The following LBP variants were observed in gnomAD, a reference collection of about 807,000 sequenced individuals.
The protein encoded by LBP is lipopolysaccharide-binding protein.
A neutral mutation model predicts 56.6 loss-of-function variants in LBP; 53 were observed. That is an observed-to-expected ratio of 0.94 (90% CI 0.75 to 1.18). The LOEUF is 1.18. LBP is among the 50% of genes most tolerant of loss of function. The pLI is 0.00. For synonymous variants in LBP, 227 were observed against 247.5 expected (o/e 0.92, Z 0.78); for missense variants, 601 against 598.3 (o/e 1.00, Z -0.05).
chr20:38,365,234 CAAAAAAA>C (rs10627735), intron 8 of LBP, among the ~76,000 whole-genome samples: 2 of 96,682 alleles, frequency 2.1e-5, no homozygotes, highest in African/African-American at 8.1e-5. Context: ...GACCCTGTCT[CAAAAAAA>C]AAAAAAAAAA....
intron 6 of LBP, among the ~76,000 whole-genome samples, chr20:38,362,242 A>G (rs2076863257): frequency 6.7e-6 from 1 of 148,678 alleles, no homozygotes; most frequent in Admixed American, 6.7e-5. Flanking sequence ...TTGTATTTTT[A>G]GTAGAGACGG....
At chr20:38,368,923 A>G in intron 9 of LBP, 72 bp from the exon 10 acceptor site, 12 of 1,425,210 alleles carry the variant, frequency 8.4e-6, no homozygotes, top group Non-Finnish European at 1.2e-5. Flanking sequence ...GCTTTATCTG[A>G]CTCCCTCAGG....
chr20:38,363,372 T>C (rs2076868574), intron 6 of LBP, among the ~76,000 whole-genome samples: 1 of 152,262 alleles, frequency 6.6e-6, no homozygotes, highest in Admixed American at 6.5e-5. Flanking sequence ...GGTGCTTTGC[T>C]GTCCCTTGCT....
chr20:38,371,422 A>G (rs2076900444), intron 12 of LBP, 100 bp downstream of exon 12: 3 of 930,716 alleles, frequency 3.2e-6, no homozygotes, highest in African/African-American at 3.3e-5. Flanking sequence ...ACAAAAGGAG[A>G]AGAGTTGATT....
intron 14 of LBP, 48 bp downstream of exon 14, chr20:38,374,061 T>C: frequency 1.3e-6 from 2 of 1,571,672 alleles, no homozygotes; most frequent in Non-Finnish European, 1.8e-6. Flanking sequence ...GAGGAGGTGG[T>C]TTGCATGCTA....
At chr20:38,362,151 C>T (rs2076862715) in intron 6 of LBP, among the ~76,000 whole-genome samples, 1 of 149,462 alleles carries the variant, frequency 6.7e-6, no homozygotes, top group Non-Finnish European at 1.5e-5. Context: ...CTTCGCCTCG[C>T]GATTTCACGC....
Position 38,354,165 on chromosome 20 carries a change from C to A in LBP, c.369-119C>A, listed in dbSNP as rs2076830162. 11 of 780,026 alleles carry A rather than the reference C, an allele frequency of 1.4e-5. No individual in the cohort carries two copies. In the Admixed American group the frequency reaches 2.5e-4, roughly 18 times the overall value. 48.3% of individuals were successfully genotyped at this position (780,026 alleles called of 1,614,324 possible). On this transcript the variant is annotated intron_variant, in intron 3 of 14. Transcript: ENST00000217407. ...ATCTTTTATGGCTTTATTTGTTATT[C>A]TTAAATCTCTGCTCAGCTCCATGTA...
rs765191437 is a variant in LBP at position 38,371,321 on chromosome 20, A to G, written c.1259A>G (p.Asn420Ser). 1.7e-5 allele frequency: 28 copies of G among 1,602,850 alleles called. No homozygotes were observed. The highest frequency in any genetic ancestry group is 1.0e-4 in the Admixed American group (6 of 59,776). ...ELKESKVGLF[N>S]AELLEALLNY... Reference sequence around the variant, plus strand: ...AAAGAATCCAAAGTTGGACTATTCAATGTAAGTTGTTTTTATTGATGACAT... The same window carrying G: ...AAAGAATCCAAAGTTGGACTATTCAGTGTAAGTTGTTTTTATTGATGACAT... Residue 420 changes from asparagine (N) to serine (S), a missense_variant and splice_region_variant, in exon 12 of 15, where the codon AAT (asparagine) becomes AGT (serine). Transcript: ENST00000217407.
At chr20:38,357,719 C>A (rs1029823054) in intron 5 of LBP, among the ~76,000 whole-genome samples, 24 of 152,244 alleles carry the variant, frequency 1.6e-4, no homozygotes, top group African/African-American at 5.5e-4. Context: ...TGCTCAGTCG[C>A]GTATACTTGT....
In LBP at chr20:38,355,382, C is replaced by T; in HGVS notation, c.561C>T (p.Ser187=). 1 of 1,613,756 alleles carries T rather than the reference C, an allele frequency of 6.2e-7. No individual in the cohort carries two copies. The highest frequency in any genetic ancestry group is 8.5e-7 in the Non-Finnish European group (1 of 1,179,960). The change falls in exon 5 of 15, where the codon TCC becomes TCT. Residue 187 remains serine, a synonymous_variant. Transcript: ENST00000217407. ...ACCTCTTCCACAACCAGATTGAGTC[C>T]AAGTTCCAGAAAGTACTGGAGAGCA... The part of the protein sequence containing the change: ...LLNLFHNQIE[S]KFQKVLESRI...
intron 4 of LBP, 42 bp from the exon 5 acceptor site, chr20:38,355,304 G>T: frequency 6.3e-7 from 1 of 1,597,478 alleles, no homozygotes; most frequent in South Asian, 1.1e-5. Flanking sequence ...CAGGCACCCG[G>T]CCATCCCCAA....
At chr20:38,365,251 A>AAG (rs1205726728) in intron 8 of LBP, among the ~76,000 whole-genome samples, 4 of 150,868 alleles carry the variant, frequency 2.7e-5, no homozygotes, top group Non-Finnish European at 4.4e-5. Context: ...AAAAAAAAAA[A>AAG]AAGCTCTTCC....
In LBP at chr20:38,354,412, T is replaced by C; in HGVS notation, c.497T>C (p.Val166Ala). The C allele has an allele frequency of 6.2e-7, 1 of 1,613,034 alleles. No homozygotes were observed. Among genetic ancestry groups the C allele is most frequent in the Non-Finnish European group, 8.5e-7 (1 of 1,179,812 alleles). The change falls in exon 4 of 15, where the codon GTG (valine) becomes GCG (alanine). Residue 166 changes from valine to alanine, a missense_variant. By Grantham distance (64) the Val-to-Ala change is moderately conservative. Coordinates refer to ENST00000217407, the MANE Select transcript of LBP (RefSeq NM_004139.5). ...AGCTGCAGCAGTGACATCGCTGACGTGGAGGTGGACATGTCGGGAGACTTG... is the reference window on the plus strand; with the variant it reads ...AGCTGCAGCAGTGACATCGCTGACGCGGAGGTGGACATGTCGGGAGACTTG... ...ASSCSSDIAD[V>A]EVDMSGDLGW...
intron 1 of LBP, among the ~76,000 whole-genome samples, chr20:38,348,806 T>A (rs2076810422): frequency 6.6e-6 from 1 of 151,932 alleles, no homozygotes; most frequent in African/African-American, 2.4e-5. Flanking sequence ...TTGTTTTGTT[T>A]TGTTTGAGAC....
chr20:38,359,330 C>T (rs1219334717), intron 5 of LBP, among the ~76,000 whole-genome samples: 1 of 152,080 alleles, frequency 6.6e-6, no homozygotes, highest in Non-Finnish European at 1.5e-5. Context: ...CCTGTAATCC[C>T]AGCACTTTGG....
intron 9 of LBP, 117 bp downstream of exon 9, chr20:38,366,945 C>T: frequency 1.1e-6 from 1 of 934,858 alleles, no homozygotes; most frequent in Non-Finnish European, 1.7e-6. Flanking sequence ...CGGGATGAGA[C>T]TCCCACTGAA....
chr20:38,357,893 T>C (rs946121718), intron 5 of LBP, among the ~76,000 whole-genome samples: 1 of 152,200 alleles, frequency 6.6e-6, no homozygotes, highest in Non-Finnish European at 1.5e-5. Context: ...GGTGGTCATG[T>C]CTTTTAGCAT....
chr20:38,346,520 G>A lies in LBP; in HGVS notation c.4G>A (p.Gly2Arg), dbSNP rs771977545. 3.7e-6 allele frequency: 6 copies of A among 1,613,462 alleles called. No individual in the cohort carries two copies. The Admixed American group carries it at 5.0e-5, about 13-fold the overall frequency. Reference protein sequence around the residue: MGALARALPSIL... With the variant: MRALARALPSIL... ...CCCACTGCACTGGGAATCTAGGATG[G>A]GGGCCTTGGCCAGAGCCCTGCCGTC... The change falls in exon 1 of 15, where the codon GGG becomes AGG. Residue 2 changes from glycine to arginine, a missense_variant. Transcript: ENST00000217407.
chr20:38,355,451 G>A (rs5744205), intron 5 of LBP, 42 bp downstream of exon 5: 1 of 1,559,830 alleles, frequency 6.4e-7, no homozygotes, highest in South Asian at 1.1e-5. Flanking sequence ...AGCTTGGCGA[G>A]GGCTGAATGG....
Sources: allele counts gnomAD v4.1 joint callset (sites outside exome capture counted in the v4.1 genomes callset), GRCh38; gene constraint gnomAD v4.1.1; transcripts MANE v1.5; gene names NCBI Gene and HGNC (gene_info 2026-07-23, HGNC 2026-07-21).